Variants in HIP1 observed in about 807,000 individuals in gnomAD.
HIP1 encodes the protein huntingtin-interacting protein 1.
HIP1 carries 65 observed loss-of-function variants against 147.6 expected under a neutral mutation model. The ratio of observed to expected loss-of-function variants is 0.44; its 90% confidence interval spans 0.36 to 0.54. HIP1 has a LOEUF of 0.54. Among genes scored for constraint, HIP1 ranks in the 20% least tolerant of loss-of-function variants. The pLI, the probability that HIP1 is intolerant of heterozygous loss-of-function variation, is 0.00. For missense variants in HIP1, 1,061 were observed against 1,299.6 expected (o/e 0.82, Z 2.82); for synonymous variants, 479 against 504.0 (o/e 0.95, Z 0.67).
Position 75,538,127 on chromosome 7 carries a change from T to C in HIP1, c.*45A>G, listed in dbSNP as rs369560175. On this transcript the variant is annotated 3_prime_UTR_variant, in exon 31 of 31. Transcript: ENST00000336926. The stretch of plus-strand genomic sequence containing the variant: ...GGCTGGGGAAATAACACACACGAGA[T>C]AGGTAACAAGGATTTACACTGACAT... 4.8e-5 allele frequency: 73 copies of C among 1,505,276 alleles called. No individual in the cohort carries two copies. Among genetic ancestry groups the C allele is most frequent in the Non-Finnish European group, 6.7e-5 (72 of 1,081,108 alleles). 93.2% of individuals were successfully genotyped at this position (1,505,276 alleles called of 1,614,324 possible).
chr7:75,636,049 AATC>A (rs1429915641), intron 1 of HIP1, among the ~76,000 whole-genome samples: 3 of 139,386 alleles, frequency 2.2e-5, no homozygotes, highest in African/African-American at 7.7e-5. Context: ...AAAAAAAAAA[AATC>A]ATGCAGAGGC....
chr7:75,619,530 A>G (rs1346084563), intron 1 of HIP1, among the ~76,000 whole-genome samples: 11 of 151,868 alleles, frequency 7.2e-5, no homozygotes, highest in African/African-American at 2.2e-4. Context: ...AAAAAAAAAA[A>G]AGAGAAGAAA....
chr7:75,657,922 T>G, intron 1 of HIP1, among the ~76,000 whole-genome samples: 1 of 151,810 alleles, frequency 6.6e-6, no homozygotes, highest in East Asian at 1.9e-4. Context: ...ACATACACAT[T>G]TAAATGAAGA....
chr7:75,587,605 C>T (rs1341764753), intron 4 of HIP1, among the ~76,000 whole-genome samples: 3 of 152,130 alleles, frequency 2.0e-5, no homozygotes, highest in African/African-American at 7.2e-5. Context: ...TTCCTTATAG[C>T]ACAATCTTTT....
chr7:75,641,639 G>A (rs1397039840), intron 1 of HIP1, among the ~76,000 whole-genome samples: 1 of 152,046 alleles, frequency 6.6e-6, no homozygotes, highest in African/African-American at 2.4e-5. Context: ...TTACAGGCAT[G>A]TGCCACCATG....
intron 1 of HIP1, among the ~76,000 whole-genome samples, chr7:75,711,436 C>CATACAAAGTTTAAGAGAGT (rs1801162104): frequency 1.3e-5 from 2 of 152,156 alleles, no homozygotes; most frequent in Admixed American, 1.3e-4. Context: ...CATTTACAGA[C>CATACAAAGTTTAAGAGAGT]ATACAAAGTT....
intron 1 of HIP1, among the ~76,000 whole-genome samples, chr7:75,632,043 C>A (rs1798241458): frequency 1.3e-5 from 2 of 152,140 alleles, no homozygotes; most frequent in Admixed American, 6.5e-5. Flanking sequence ...TCGGAGGGGC[C>A]TCCGAAGACA....
At chr7:75,590,724 T>C (rs997170321) in intron 4 of HIP1, among the ~76,000 whole-genome samples, 3 of 152,178 alleles carry the variant, frequency 2.0e-5, no homozygotes, top group East Asian at 3.8e-4. Context: ...TGGAGAAATA[T>C]ATACCAGGCA....
chr7:75,704,532 C>T (rs1268256213), intron 1 of HIP1, among the ~76,000 whole-genome samples: 3 of 151,792 alleles, frequency 2.0e-5, no homozygotes, highest in African/African-American at 7.3e-5. Flanking sequence ...GCATGAGCCA[C>T]TGCACCCAGC....
intron 1 of HIP1, 117 bp from the exon 2 acceptor site, chr7:75,599,364 C>T (rs1554502577): frequency 1.0e-5 from 8 of 790,996 alleles, no homozygotes; most frequent in Non-Finnish European, 1.5e-5. Flanking sequence ...TCCCCCAGCC[C>T]CACGGGTGGT....
At chr7:75,548,459 GTCTC>G (rs1270256702) in intron 23 of HIP1, among the ~76,000 whole-genome samples, 2 of 151,636 alleles carry the variant, frequency 1.3e-5, no homozygotes, top group African/African-American at 4.8e-5. Context: ...TCAGATTTTG[GTCTC>G]TCTTTTTTTT....
intron 1 of HIP1, among the ~76,000 whole-genome samples, chr7:75,663,943 T>TATACACATATATGTGTATATACACACAC (rs1554513999): frequency 1.4e-5 from 2 of 138,904 alleles, no homozygotes; most frequent in Admixed American, 7.3e-5. Flanking sequence ...TGTATATATA[T>TATACACATATATGTGTATATACACACAC]ATATACACAT....
At chr7:75,548,290 G>A (rs1475788229) in intron 23 of HIP1, among the ~76,000 whole-genome samples, 1 of 151,674 alleles carries the variant, frequency 6.6e-6, no homozygotes, top group Admixed American at 6.6e-5. Flanking sequence ...GCCTCCCAAA[G>A]TGCTGGGAAT....
At chr7:75,617,508 C>T (rs1028950648) in intron 1 of HIP1, among the ~76,000 whole-genome samples, 1 of 152,280 alleles carries the variant, frequency 6.6e-6, no homozygotes, top group African/African-American at 2.4e-5. Flanking sequence ...TGACCCACCG[C>T]GCCCAGCCTC....
chr7:75,581,322 T>C (rs782755391), intron 6 of HIP1, 24 bp from the exon 7 acceptor site: 1 of 1,594,880 alleles, frequency 6.3e-7, no homozygotes, highest in Non-Finnish European at 8.6e-7. Flanking sequence ...GAAAGAGAGC[T>C]TACACTCCAC....
chr7:75,681,293 T>C (rs1800057952), intron 1 of HIP1, among the ~76,000 whole-genome samples: 1 of 152,082 alleles, frequency 6.6e-6, no homozygotes, highest in Non-Finnish European at 1.5e-5. Context: ...CTGCAGGCGC[T>C]CTGCACTGTT....
At position 75,559,687 on chromosome 7, in the gene HIP1, C is replaced by G. The variant is rs34985543; in HGVS notation, c.1375+45G>C. 4.9e-6 allele frequency: 6 copies of G among 1,228,904 alleles called. No individual in the cohort carries two copies. In the African/African-American group the frequency reaches 7.2e-5, roughly 15 times the overall value. 76.1% of individuals were successfully genotyped at this position (1,228,904 alleles called of 1,614,324 possible). ...CTGAGTCCAGCTGGGCTCTGCTGCCCGCGCCTGCCCCCGGGGCCCGCCCCC... is the reference window on the plus strand; with the variant it reads ...CTGAGTCCAGCTGGGCTCTGCTGCCGGCGCCTGCCCCCGGGGCCCGCCCCC... On this transcript the variant is annotated intron_variant, in intron 14 of 30. Transcript: ENST00000336926.
At chr7:75,553,305 C>T in intron 22 of HIP1, 148 bp downstream of exon 22, 2 of 1,038,694 alleles carry the variant, frequency 1.9e-6, no homozygotes, top group Non-Finnish European at 2.8e-6. Context: ...TGCACCCGGC[C>T]AGATTTTCCA....
chr7:75,633,740 T>C (rs780310730), intron 1 of HIP1, among the ~76,000 whole-genome samples: 18 of 152,142 alleles, frequency 1.2e-4, no homozygotes, highest in Non-Finnish European at 2.4e-4. Flanking sequence ...GCATTTAACT[T>C]CTACCACATC....
Sources: allele counts gnomAD v4.1 joint callset (sites outside exome capture counted in the v4.1 genomes callset), GRCh38; gene constraint gnomAD v4.1.1; transcripts MANE v1.5; gene names NCBI Gene and HGNC (gene_info 2026-07-23, HGNC 2026-07-21).